Variants in RGS6 observed in about 807,000 individuals in gnomAD.
The protein encoded by RGS6 is regulator of G-protein signaling 6.
Under a neutral mutation model 78.5 loss-of-function variants are expected in RGS6, and 30 were observed. The ratio of observed to expected loss-of-function variants is 0.38; its 90% CI spans 0.29 to 0.52. The LOEUF (loss-of-function observed/expected upper bound fraction) is 0.52, where lower values mean the gene tolerates loss of function less well. RGS6 is among the 20% of genes least tolerant of loss of function. The pLI, the probability that RGS6 is intolerant of heterozygous loss-of-function variation, is 0.85. For synonymous variants in RGS6, 206 were observed against 206.0 expected (o/e 1.00, Z 0.00); for missense variants, 495 against 609.7 (o/e 0.81, Z 1.98).
chr14:72,231,787 G>A (rs1431052608), intron 2 of RGS6, among the ~76,000 whole-genome samples: 4 of 152,070 alleles, frequency 2.6e-5, no homozygotes, highest in African/African-American at 9.7e-5. Context: ...AGAACATGGT[G>A]TGTGCAAAGG....
chr14:72,520,552 T>G (rs985795742), intron 15 of RGS6, among the ~76,000 whole-genome samples: 2 of 152,216 alleles, frequency 1.3e-5, no homozygotes, highest in Non-Finnish European at 2.9e-5. Flanking sequence ...ATTTTATTCT[T>G]TCTTCACTTA....
At chr14:72,360,975 G>C (rs1243683082) in intron 3 of RGS6, among the ~76,000 whole-genome samples, 1 of 152,084 alleles carries the variant, frequency 6.6e-6, no homozygotes, top group African/African-American at 2.4e-5. Context: ...CTTCTTCACA[G>C]ACTCTCTTGC....
intron 2 of RGS6, among the ~76,000 whole-genome samples, chr14:72,298,617 T>G (rs1384797535): frequency 6.6e-6 from 1 of 151,764 alleles, no homozygotes; most frequent in Non-Finnish European, 1.5e-5. Flanking sequence ...CCGGCTAATT[T>G]TTTTGTATTT....
At chr14:72,064,136 G>A (rs1488681152) in intron 2 of RGS6, among the ~76,000 whole-genome samples, 1 of 152,054 alleles carries the variant, frequency 6.6e-6, no homozygotes, top group African/African-American at 2.4e-5. Context: ...TAGGGCACTT[G>A]CAAGGGAGCA....
rs573902687 is a variant in RGS6, at chr14:72,317,891, G to A, written c.85-34204G>A. 3.3e-5 allele frequency among the ~76,000 whole-genome samples: 5 copies of A among 152,272 alleles called. No homozygotes were observed. The East Asian group carries it at 7.7e-4, about 23-fold the overall frequency. ...CGATTACAAGGTCCCACAATAGGCT[G>A]TCTGCAAGCTGAGGGGCAAGGAAGC... On this transcript the variant is annotated intron_variant, in intron 2 of 17. Transcript: ENST00000553525.
intron 3 of RGS6, among the ~76,000 whole-genome samples, chr14:72,388,697 G>A (rs904360239): frequency 2.0e-5 from 3 of 152,100 alleles, no homozygotes; most frequent in Admixed American, 1.3e-4. Context: ...TGACCCTCAG[G>A]CTTCTTAAGT....
At chr14:72,611,357 C>T in the RGS6 span, among the ~76,000 whole-genome samples, 1 of 152,226 alleles carries the variant, frequency 6.6e-6, no homozygotes, top group Non-Finnish European at 1.5e-5. Context: ...TAGGATCTGA[C>T]AAGCACCTGG....
chr14:72,476,697 C>T (rs2096249840), intron 10 of RGS6, 45 bp from the exon 11 acceptor site: 1 of 1,550,366 alleles, frequency 6.5e-7, no homozygotes, highest in Non-Finnish European at 8.9e-7. Context: ...AGCCACCCTC[C>T]AATTCTGTGG....
chr14:72,148,122 C>T (rs2096633011), intron 2 of RGS6, among the ~76,000 whole-genome samples: 2 of 102,880 alleles, frequency 1.9e-5, no homozygotes, highest in South Asian at 6.8e-4. Context: ...CAGAGCAAGA[C>T]TCCATCTAAA....
At chr14:72,060,447 C>A (rs1312469853) in intron 2 of RGS6, among the ~76,000 whole-genome samples, 4 of 144,312 alleles carry the variant, frequency 2.8e-5, no homozygotes, top group Non-Finnish European at 4.5e-5. Context: ...TGCAGATATT[C>A]TATCTGCCAT....
chr14:72,504,567 A>G (rs2096771130), intron 13 of RGS6, among the ~76,000 whole-genome samples: 3 of 152,208 alleles, frequency 2.0e-5, no homozygotes, highest in African/African-American at 7.2e-5. Context: ...TTTACCATCT[A>G]TATTTCTACC....
the RGS6 span, among the ~76,000 whole-genome samples, chr14:72,611,527 C>T: frequency 2.0e-5 from 3 of 152,126 alleles, no homozygotes; most frequent in South Asian, 2.1e-4. Context: ...CCCCCAGTCC[C>T]GCTCTCTGCT....
rs777231060 is a variant in RGS6 at position 72,541,508 on chromosome 14, C to A, written c.1422+1414C>A. 9 of 1,535,608 alleles carry A rather than the reference C, an allele frequency of 5.9e-6. No homozygotes were observed. In the South Asian group the frequency reaches 1.1e-4, roughly 18 times the overall value. On this transcript the variant is annotated intron_variant, in intron 17 of 17. Transcript: ENST00000553525. ...CAAGGCCTGCGGGTGCCTGGTCTATCTTCATGGCTGCTTTGCCAATGGCCG... is the reference window on the plus strand; with the variant it reads ...CAAGGCCTGCGGGTGCCTGGTCTATATTCATGGCTGCTTTGCCAATGGCCG...
chr14:72,205,425 T>C (rs1030686636), intron 2 of RGS6, among the ~76,000 whole-genome samples: 2 of 152,212 alleles, frequency 1.3e-5, no homozygotes, highest in African/African-American at 4.8e-5. Flanking sequence ...TTTAAAACTA[T>C]TATTTAAAAT....
intron 2 of RGS6, among the ~76,000 whole-genome samples, chr14:72,240,527 T>G (rs904834040): frequency 6.6e-6 from 1 of 152,210 alleles, no homozygotes; most frequent in African/African-American, 2.4e-5. Context: ...TGCTGTTAAT[T>G]AAGTTTGTAG....
intron 2 of RGS6, among the ~76,000 whole-genome samples, chr14:72,177,417 G>C (rs1395289817): frequency 2.0e-5 from 3 of 152,184 alleles, no homozygotes; most frequent in Non-Finnish European, 4.4e-5. Context: ...TGCTGGTGCA[G>C]AAAGGCAGGA....
At position 72,236,210 on chromosome 14, in the gene RGS6, C is replaced by G. The variant is rs181122190; in HGVS notation, c.85-115885C>G. On this transcript the variant is annotated intron_variant, in intron 2 of 17. Transcript: ENST00000553525. ...TCTGAAGTAATTGTTCAGTGGGTCC[C>G]CTGCACCCATCACGTACATTTTACA... 3.1e-3 allele frequency among the ~76,000 whole-genome samples: 472 copies of G among 152,212 alleles called. 1 individual carries two copies. The highest frequency in any genetic ancestry group is 0.011 in the African/African-American group (455 of 41,526).
At chr14:72,603,666 C>A in the RGS6 span, among the ~76,000 whole-genome samples, 1 of 152,070 alleles carries the variant, frequency 6.6e-6, no homozygotes, top group East Asian at 1.9e-4. Flanking sequence ...TGACAACGAG[C>A]AGGGAGCATC....
chr14:72,526,192 C>T (rs1056420490), intron 15 of RGS6, among the ~76,000 whole-genome samples: 1 of 152,044 alleles, frequency 6.6e-6, no homozygotes, highest in Non-Finnish European at 1.5e-5. Context: ...CAAGCTCTGC[C>T]TCCTGGGTTC....
Sources: allele counts gnomAD v4.1 joint callset (sites outside exome capture counted in the v4.1 genomes callset), GRCh38; gene constraint gnomAD v4.1.1; transcripts MANE v1.5; gene names NCBI Gene and HGNC (gene_info 2026-07-23, HGNC 2026-07-21).